Variants in HCN1 observed in about 807,000 individuals in gnomAD.
HCN1 encodes potassium/sodium hyperpolarization-activated cyclic nucleotide-gated channel 1.
In HCN1, 13 loss-of-function variants were observed where a neutral mutation model predicts 78.9. The observed-to-expected ratio is 0.16, with a 90% CI of 0.11 to 0.26. HCN1 has a LOEUF of 0.26. Among genes scored for constraint, HCN1 ranks in the 10% least tolerant of loss-of-function variants. The pLI, the probability that HCN1 is intolerant of heterozygous loss-of-function variation, is 1.00. For missense variants in HCN1, 810 were observed against 1,154.3 expected (o/e 0.70, Z 4.32); for synonymous variants, 552 against 455.5 (o/e 1.21, Z -2.70).
At chr5:45,636,954 T>C (rs1745368500) in intron 2 of HCN1, among the ~76,000 whole-genome samples, 1 of 152,232 alleles carries the variant, frequency 6.6e-6, no homozygotes, top group South Asian at 2.1e-4. Flanking sequence ...TTTAAATTCA[T>C]AGAAACATTC....
chr5:45,360,253 CAT>C (rs1316181319), intron 4 of HCN1, among the ~76,000 whole-genome samples: 2 of 151,594 alleles, frequency 1.3e-5, no homozygotes, highest in Non-Finnish European at 2.9e-5. Context: ...CCAGTGACTA[CAT>C]GTGTTTTAAA....
rs1033134938 is a variant in HCN1, at chr5:45,495,914, C to A, written c.850-33907G>T. 8.9e-4 allele frequency among the ~76,000 whole-genome samples: 135 copies of A among 152,092 alleles called. 1 individual carries two copies. The highest frequency in any genetic ancestry group is 3.4e-3 in the Middle Eastern group (1 of 294). On this transcript the variant is annotated intron_variant, in intron 2 of 7. Coordinates refer to ENST00000303230, the MANE Select transcript of HCN1 (RefSeq NM_021072.4). ...ATGCTGGATTACATTTATTGATTTGCGTATATTGAACCAGCCTTGCATCCC... is the reference window on the plus strand; with the variant it reads ...ATGCTGGATTACATTTATTGATTTGAGTATATTGAACCAGCCTTGCATCCC...
chr5:45,596,264 C>A (rs1170747193), intron 2 of HCN1, among the ~76,000 whole-genome samples: 4 of 151,986 alleles, frequency 2.6e-5, no homozygotes, highest in African/African-American at 9.7e-5. Flanking sequence ...AGTTGAGAAG[C>A]TTCTGTAATG....
intron 2 of HCN1, among the ~76,000 whole-genome samples, chr5:45,580,187 C>T (rs1297230754): frequency 6.6e-6 from 1 of 151,934 alleles, no homozygotes; most frequent in Non-Finnish European, 1.5e-5. Context: ...GAGGTAATTA[C>T]GGTTGAAAAT....
chr5:45,514,163 G>C (rs867644576), intron 2 of HCN1, among the ~76,000 whole-genome samples: 1 of 152,060 alleles, frequency 6.6e-6, no homozygotes, highest in Non-Finnish European at 1.5e-5. Context: ...TATTTTCTGA[G>C]TTTAAAAAAG....
intron 2 of HCN1, among the ~76,000 whole-genome samples, chr5:45,511,567 A>G (rs1742415719): frequency 1.3e-5 from 2 of 152,100 alleles, no homozygotes; most frequent in South Asian, 4.1e-4. Flanking sequence ...TTTCTCCCAA[A>G]GACTTACAAC....
chr5:45,540,621 T>A (rs913790819), intron 2 of HCN1, among the ~76,000 whole-genome samples: 2 of 152,198 alleles, frequency 1.3e-5, no homozygotes, highest in Non-Finnish European at 1.5e-5. Flanking sequence ...GGAGCCACCA[T>A]GCCTAGCAGA....
At chr5:45,345,504 T>G (rs2111970775) in intron 5 of HCN1, among the ~76,000 whole-genome samples, 1 of 152,312 alleles carries the variant, frequency 6.6e-6, no homozygotes. Flanking sequence ...TTGAACACTT[T>G]GCTGCTTAGA....
intron 2 of HCN1, among the ~76,000 whole-genome samples, chr5:45,616,110 A>C (rs1744944624): frequency 6.6e-6 from 1 of 151,350 alleles, no homozygotes; most frequent in South Asian, 2.1e-4. Context: ...TTTCCTCCAA[A>C]GGCTTTTATG....
At chr5:45,624,931 G>A (rs1011884659) in intron 2 of HCN1, among the ~76,000 whole-genome samples, 1 of 152,170 alleles carries the variant, frequency 6.6e-6, no homozygotes, top group Non-Finnish European at 1.5e-5. Flanking sequence ...CTGAGATAAT[G>A]AGAAGGCATA....
At chr5:45,485,564 G>A (rs924859027) in intron 2 of HCN1, among the ~76,000 whole-genome samples, 1 of 152,066 alleles carries the variant, frequency 6.6e-6, no homozygotes, top group Non-Finnish European at 1.5e-5. Context: ...TTACGCAGAA[G>A]GGAAATACTC....
intron 2 of HCN1, among the ~76,000 whole-genome samples, chr5:45,539,558 G>A (rs1463513394): frequency 6.6e-5 from 10 of 150,680 alleles, no homozygotes; most frequent in African/African-American, 1.7e-4. Flanking sequence ...CCAGCCACTC[G>A]GGAGGCTGAG....
At position 45,600,349 on chromosome 5, in the gene HCN1, G is replaced by A. The variant is rs146085295; in HGVS notation, c.849+44836C>T. On this transcript the variant is annotated intron_variant, in intron 2 of 7. Coordinates refer to ENST00000303230, the MANE Select transcript of HCN1 (RefSeq NM_021072.4). ...TTTTACCAGAAATCATATATACCCTGGATCAAAATATGTTAATCACTCATA... is the reference window on the plus strand; with the variant it reads ...TTTTACCAGAAATCATATATACCCTAGATCAAAATATGTTAATCACTCATA... Among the ~76,000 whole-genome samples the A allele has an allele frequency of 2.9e-3, 443 of 151,998 alleles. 1 individual carries two copies. The highest frequency in any genetic ancestry group is 0.014 in the Middle Eastern group (4 of 294).
intron 5 of HCN1, among the ~76,000 whole-genome samples, chr5:45,341,988 A>T (rs748625508): frequency 3.5e-4 from 53 of 152,238 alleles, no homozygotes; most frequent in Non-Finnish European, 6.2e-4. Context: ...CTAATATTAA[A>T]AAAATCTGTA....
intron 2 of HCN1, among the ~76,000 whole-genome samples, chr5:45,608,038 A>C (rs1364250015): frequency 1.3e-5 from 2 of 151,970 alleles, no homozygotes; most frequent in Non-Finnish European, 2.9e-5. Flanking sequence ...GCTGGATTTA[A>C]AACCAATTAA....
intron 5 of HCN1, among the ~76,000 whole-genome samples, chr5:45,348,316 TGA>T (rs1303210393): frequency 6.6e-6 from 1 of 152,118 alleles, no homozygotes; most frequent in Non-Finnish European, 1.5e-5. Context: ...AAGCAAATGC[TGA>T]GAGATTTTGT....
chr5:45,308,654 A>G (rs1242404754), intron 5 of HCN1, among the ~76,000 whole-genome samples: 1 of 152,072 alleles, frequency 6.6e-6, no homozygotes, highest in Non-Finnish European at 1.5e-5. Context: ...TTTCAGATAT[A>G]TGTTTCTATC....
At chr5:45,489,118 G>A (rs1241784570) in intron 2 of HCN1, among the ~76,000 whole-genome samples, 1 of 152,176 alleles carries the variant, frequency 6.6e-6, no homozygotes, top group Admixed American at 6.6e-5. Flanking sequence ...TTGGGTGTTG[G>A]ACACAGGCTT....
chr5:45,345,405 C>T (rs756648709), intron 5 of HCN1, among the ~76,000 whole-genome samples: 2 of 152,168 alleles, frequency 1.3e-5, no homozygotes, highest in Non-Finnish European at 2.9e-5. Flanking sequence ...CTGCAGAAGG[C>T]TTGAATTTCT....
Sources: allele counts gnomAD v4.1 joint callset (sites outside exome capture counted in the v4.1 genomes callset), GRCh38; gene constraint gnomAD v4.1.1; transcripts MANE v1.5; gene names NCBI Gene and HGNC (gene_info 2026-07-23, HGNC 2026-07-21).